KCNG3: variants seen among roughly 807,000 people sequenced by gnomAD.
KCNG3 encodes the protein potassium voltage-gated channel modifier subfamily G member 3, also known as voltage-gated potassium channel regulatory subunit KCNG3.
KCNG3 carries 15 observed loss-of-function variants against 29.0 expected under a neutral mutation model. That is an observed-to-expected ratio of 0.52 (90% CI 0.35 to 0.80). The LOEUF (loss-of-function observed/expected upper bound fraction) is 0.80. Among genes scored for constraint, KCNG3 ranks in the 30% least tolerant of loss-of-function variants. The pLI, the probability that KCNG3 is intolerant of heterozygous loss-of-function variation, is 0.01. For missense variants in KCNG3, 512 were observed against 605.7 expected (o/e 0.85, Z 1.62); for synonymous variants, 322 against 248.9 (o/e 1.29, Z -2.76).
the KCNG3 span, among the ~76,000 whole-genome samples, chr2:42,417,640 T>G: frequency 6.6e-6 from 1 of 152,056 alleles, no homozygotes; most frequent in African/African-American, 2.4e-5. Flanking sequence ...GTATAGAAAA[T>G]TACGTGCTCA....
At chr2:42,469,531 T>C (rs1013879657) in intron 1 of KCNG3, among the ~76,000 whole-genome samples, 1 of 152,052 alleles carries the variant, frequency 6.6e-6, no homozygotes, top group Non-Finnish European at 1.5e-5. Context: ...ACTGGACTAT[T>C]CTGTAGTGCT....
chr2:42,411,109 A>C, the KCNG3 span, among the ~76,000 whole-genome samples: 3 of 151,956 alleles, frequency 2.0e-5, no homozygotes, highest in Admixed American at 2.0e-4. Context: ...CATGCATTTT[A>C]ATCTTTTTGA....
chr2:42,432,443 G>A, the KCNG3 span, among the ~76,000 whole-genome samples: 21 of 152,278 alleles, frequency 1.4e-4, no homozygotes, highest in South Asian at 6.2e-4. Flanking sequence ...CAGCTCTTCT[G>A]CCAAAATATC....
intron 1 of KCNG3, among the ~76,000 whole-genome samples, chr2:42,452,234 TATATA>T (rs1236445993): frequency 4.3e-5 from 3 of 69,320 alleles, no homozygotes; most frequent in African/African-American, 1.7e-4. Context: ...TATATATATA[TATATA>T]TATATTTTTT....
chr2:42,414,121 ATT>A, the KCNG3 span, among the ~76,000 whole-genome samples: 1 of 152,118 alleles, frequency 6.6e-6, no homozygotes, highest in Non-Finnish European at 1.5e-5. Flanking sequence ...TATAATTATT[ATT>A]TTATTTAAAG....
At chr2:42,393,680 C>G in the KCNG3 span, among the ~76,000 whole-genome samples, 6 of 152,144 alleles carry the variant, frequency 3.9e-5, no homozygotes, top group Non-Finnish European at 8.8e-5. Context: ...CCTCATAACA[C>G]AAGGTAAGTG....
intron 1 of KCNG3, among the ~76,000 whole-genome samples, chr2:42,474,923 T>C (rs1284206442): frequency 6.6e-6 from 1 of 152,176 alleles, no homozygotes; most frequent in Non-Finnish European, 1.5e-5. Context: ...GCTGACCCAA[T>C]GTACACGACT....
chr2:42,430,798 T>C, the KCNG3 span, among the ~76,000 whole-genome samples: 1 of 151,636 alleles, frequency 6.6e-6, no homozygotes, highest in African/African-American at 2.4e-5. Flanking sequence ...CCAAAGAAAG[T>C]ATTAAGCAAA....
At chr2:42,476,032 C>A (rs185169182) in intron 1 of KCNG3, among the ~76,000 whole-genome samples, 1 of 152,212 alleles carries the variant, frequency 6.6e-6, no homozygotes, top group East Asian at 1.9e-4. Context: ...TGCCATTGCA[C>A]CCCAGCCTGG....
chr2:42,438,670 C>T (rs896316829), downstream of KCNG3, among the ~76,000 whole-genome samples: 1 of 152,158 alleles, frequency 6.6e-6, no homozygotes, highest in Non-Finnish European at 1.5e-5. Context: ...CTTATGCTAA[C>T]AGTCAAAAGC....
At chr2:42,399,995 G>A in the KCNG3 span, among the ~76,000 whole-genome samples, 1 of 152,314 alleles carries the variant, frequency 6.6e-6, no homozygotes, top group East Asian at 1.9e-4. Context: ...TGTGGTCCCA[G>A]CTATTCAGGA....
At chr2:42,405,442 A>ATT in the KCNG3 span, among the ~76,000 whole-genome samples, 55 of 137,610 alleles carry the variant, frequency 4.0e-4, no homozygotes, top group African/African-American at 1.2e-3. Flanking sequence ...ATTCTGCAGC[A>ATT]TTTTTTTTTT....
At chr2:42,439,593 A>AG (rs1672432459), downstream of KCNG3, among the ~76,000 whole-genome samples, 1 of 150,336 alleles carries the variant, frequency 6.7e-6, no homozygotes, top group African/African-American at 2.4e-5. Context: ...ACGTTAAAAA[A>AG]AAAAAAGAAA....
At chr2:42,405,114 T>C in the KCNG3 span, among the ~76,000 whole-genome samples, 1 of 152,242 alleles carries the variant, frequency 6.6e-6, no homozygotes, top group Non-Finnish European at 1.5e-5. Context: ...AGCTTTGTAA[T>C]CTCTGTAGTT....
In KCNG3 at chr2:42,493,390, G is replaced by C; in HGVS notation, c.112C>G (p.Leu38Val). The change falls in exon 1 of 2, where the codon CTG (leucine) becomes GTG (valine). Residue 38 changes from leucine to valine, a missense_variant. Leu to Val is a conservative substitution (Grantham distance 32). Around this residue, in one of 5 missense-constraint regions of KCNG3, gnomAD observed 91 missense variants for 91.1 expected, o/e 1.00. Coordinates refer to ENST00000306078, the MANE Select transcript of KCNG3 (RefSeq NM_133329.6). ...TCGCGCTCGGAGCGGCAGCCGTGCA[G>C]CCGGCTCACGCGGCGCAGCGGGAAG... ...KDFPLRRVSR[L>V]HGCRSERDVL... 6.5e-7 allele frequency: 1 copy of C among 1,528,974 alleles called. No homozygotes were observed. The highest frequency in any genetic ancestry group is 1.4e-5 in the African/African-American group (1 of 72,996). The allele number at this position is 1,528,974 out of a possible 1,614,324, so 94.7% of individuals were successfully genotyped here. A position where few individuals can be genotyped will look rare whatever the true frequency, so the allele number is the denominator to read the frequency against.
At chr2:42,462,453 C>T (rs1337523468) in intron 1 of KCNG3, among the ~76,000 whole-genome samples, 1 of 152,124 alleles carries the variant, frequency 6.6e-6, no homozygotes, top group Non-Finnish European at 1.5e-5. Context: ...AATCCCAGCA[C>T]TTTGGATTAC....
intron 1 of KCNG3, among the ~76,000 whole-genome samples, chr2:42,489,739 G>A (rs910464827): frequency 2.6e-5 from 4 of 152,172 alleles, no homozygotes; most frequent in East Asian, 3.8e-4. Context: ...AGCAGGCCAG[G>A]CTGGACAAAT....
chr2:42,474,526 C>A (rs766492479), intron 1 of KCNG3, among the ~76,000 whole-genome samples: 9 of 151,960 alleles, frequency 5.9e-5, no homozygotes, highest in Non-Finnish European at 1.3e-4. Flanking sequence ...GACTCCATCT[C>A]AAAAGAAAAA....
At chr2:42,427,116 A>T in the KCNG3 span, among the ~76,000 whole-genome samples, 1 of 152,202 alleles carries the variant, frequency 6.6e-6, no homozygotes, top group East Asian at 1.9e-4. Flanking sequence ...ATCTTTGCAT[A>T]AGGCTCTCCA....
Sources: gnomAD v4.1 joint callset for allele counts (sites outside exome capture counted in the v4.1 genomes callset) on GRCh38, gnomAD v4.1.1 for gene constraint, gnomAD v4.1.1 regional missense constraint, MANE v1.5 for transcripts, NCBI Gene and HGNC (gene_info 2026-07-23, HGNC 2026-07-21) for gene names.